Variants in SH3BGRL observed in about 807,000 individuals in gnomAD.
SH3BGRL encodes the protein adapter SH3BGRL.
SH3BGRL carries 7 observed loss-of-function variants against 9.8 expected under a neutral mutation model. That is an observed-to-expected ratio of 0.72 (90% CI 0.41 to 1.35). SH3BGRL has a LOEUF of 1.35. Ranked by LOEUF, SH3BGRL falls within the 40% of genes most tolerant of loss-of-function variation. The probability of loss-of-function intolerance (pLI) is 0.01; values close to 1 mark genes in which losing one functional copy is unlikely to be tolerated. For synonymous variants in SH3BGRL, 36 were observed against 29.1 expected (o/e 1.24, Z -0.76); for missense variants, 73 against 84.4 (o/e 0.86, Z 0.53).
chrX:81,280,129 G>A (rs1235982838), intron 3 of SH3BGRL, among the ~76,000 whole-genome samples: 1 of 110,478 alleles, frequency 9.1e-6, no homozygotes, highest in Non-Finnish European at 1.9e-5. Flanking sequence ...GAACTCCAGT[G>A]ACCTGGGAAT....
chrX:81,230,269 T>C (rs183864334), intron 1 of SH3BGRL, among the ~76,000 whole-genome samples: 7 of 112,370 alleles, frequency 6.2e-5, no homozygotes, highest in African/African-American at 1.9e-4. Context: ...AGGATAGACA[T>C]AGACATAGCC....
intron 3 of SH3BGRL, among the ~76,000 whole-genome samples, chrX:81,292,030 G>A (rs762917638): frequency 1.8e-5 from 2 of 111,215 alleles, no homozygotes; most frequent in Non-Finnish European, 3.8e-5. Context: ...CCAGGTCCAC[G>A]GTGCAAGCTG....
chrX:81,216,177 T>G (rs777992977), intron 1 of SH3BGRL, among the ~76,000 whole-genome samples: 6 of 111,473 alleles, frequency 5.4e-5, no homozygotes, highest in Non-Finnish European at 9.5e-5. Context: ...GCTCTCCTTG[T>G]TTTTTTTCCC....
intron 1 of SH3BGRL, among the ~76,000 whole-genome samples, chrX:81,233,099 T>G (rs1441083022): frequency 9.0e-6 from 1 of 111,323 alleles, no homozygotes; most frequent in Non-Finnish European, 1.9e-5. Flanking sequence ...CTTTTCTGAG[T>G]ATGAAAGTGG....
At chrX:81,206,370 A>AT (rs1465553657) in intron 1 of SH3BGRL, among the ~76,000 whole-genome samples, 1 of 111,834 alleles carries the variant, frequency 8.9e-6, no homozygotes, top group Non-Finnish European at 1.9e-5. Flanking sequence ...ATACTATCTC[A>AT]TTTTTAAAAA....
At chrX:81,232,292 A>T (rs2075635205) in intron 1 of SH3BGRL, among the ~76,000 whole-genome samples, 1 of 110,994 alleles carries the variant, frequency 9.0e-6, no homozygotes, top group Non-Finnish European at 1.9e-5. Context: ...ATAGTATTAC[A>T]TACACATCAC....
chrX:81,256,915 T>C (rs1027224026), intron 1 of SH3BGRL, among the ~76,000 whole-genome samples: 2 of 111,821 alleles, frequency 1.8e-5, no homozygotes, highest in African/African-American at 6.5e-5. Flanking sequence ...GTTGATGCAT[T>C]ATTCTGTCAT....
intron 1 of SH3BGRL, among the ~76,000 whole-genome samples, chrX:81,264,193 C>T (rs376241546): frequency 3.6e-5 from 4 of 110,993 alleles, no homozygotes; most frequent in South Asian, 7.7e-4. Flanking sequence ...AGAAGGAACT[C>T]GCTCATATGT....
chrX:81,287,702 G>A (rs949416348), intron 3 of SH3BGRL, among the ~76,000 whole-genome samples: 19 of 110,297 alleles, frequency 1.7e-4, no homozygotes, highest in Non-Finnish European at 3.2e-4. Flanking sequence ...ACTTAATATA[G>A]GTGACGGGTT....
chrX:81,202,268 C>T (rs1280628897), intron 1 of SH3BGRL, 23 bp downstream of exon 1: 1 of 1,189,598 alleles, frequency 8.4e-7, no homozygotes, highest in African/African-American at 1.8e-5. Flanking sequence ...GGGAGTCCAC[C>T]TTTGTTGTTT....
intron 3 of SH3BGRL, among the ~76,000 whole-genome samples, chrX:81,290,698 A>G (rs2075854978): frequency 9.0e-6 from 1 of 111,058 alleles, no homozygotes; most frequent in Non-Finnish European, 1.9e-5. Context: ...AATTAATTGT[A>G]TACTTTAAGA....
chrX:81,268,084 A>G (rs1268626716), intron 1 of SH3BGRL, among the ~76,000 whole-genome samples: 2 of 110,543 alleles, frequency 1.8e-5, no homozygotes, highest in African/African-American at 3.3e-5. Flanking sequence ...TTTTTATTGC[A>G]TCTATTTGAT....
At chrX:81,283,396 GAA>G (rs2075824228) in intron 3 of SH3BGRL, among the ~76,000 whole-genome samples, 1 of 111,460 alleles carries the variant, frequency 9.0e-6, no homozygotes, top group African/African-American at 3.3e-5. Flanking sequence ...TATCCTTGAT[GAA>G]CATAGATGCT....
chrX:81,278,308 C>T, intron 2 of SH3BGRL, 23 bp from the exon 3 acceptor site: 1 of 1,089,223 alleles, frequency 9.2e-7, no homozygotes, highest in Non-Finnish European at 1.3e-6. Context: ...ATTGCTAATT[C>T]ATCTTATCTT....
intron 1 of SH3BGRL, among the ~76,000 whole-genome samples, chrX:81,270,517 C>T (rs1416280880): frequency 8.9e-6 from 1 of 111,988 alleles, no homozygotes; most frequent in Non-Finnish European, 1.9e-5. Context: ...GCCGGAGGTC[C>T]ACTCTAGACC....
At chrX:81,258,375 G>A (rs2075731769) in intron 1 of SH3BGRL, among the ~76,000 whole-genome samples, 1 of 112,049 alleles carries the variant, frequency 8.9e-6, no homozygotes, top group Admixed American at 9.5e-5. Context: ...GAATTCTGCC[G>A]TCTTTTGGAT....
At chrX:81,243,930 T>A (rs2075679998) in intron 1 of SH3BGRL, among the ~76,000 whole-genome samples, 1 of 111,571 alleles carries the variant, frequency 9.0e-6, no homozygotes, top group Non-Finnish European at 1.9e-5. Flanking sequence ...GAAATTTGAC[T>A]CAGAGTCCAG....
chrX:81,293,332 G>A (rs1165270044), intron 3 of SH3BGRL, among the ~76,000 whole-genome samples: 2 of 110,836 alleles, frequency 1.8e-5, no homozygotes, highest in Non-Finnish European at 1.9e-5. Flanking sequence ...GGGTGAAAAT[G>A]GACTAATATG....
chrX:81,284,000 C>G (rs1449525073), intron 3 of SH3BGRL, among the ~76,000 whole-genome samples: 1 of 110,372 alleles, frequency 9.1e-6, no homozygotes, highest in African/African-American at 3.3e-5. Flanking sequence ...ATACACAAAT[C>G]AGTAGCTCTT....
Sources: gnomAD v4.1 joint callset for allele counts (sites outside exome capture counted in the v4.1 genomes callset) on GRCh38, gnomAD v4.1.1 for gene constraint, MANE v1.5 for transcripts, NCBI Gene and HGNC (gene_info 2026-07-23, HGNC 2026-07-21) for gene names.